The following PRKG1 variants were observed in gnomAD, a reference collection of about 807,000 sequenced individuals.
PRKG1 encodes the protein cGMP-dependent protein kinase 1.
PRKG1 carries 35 observed loss-of-function variants against 88.1 expected under a neutral mutation model. The ratio of observed to expected loss-of-function variants is 0.40; its 90% CI spans 0.30 to 0.53. PRKG1 has a LOEUF of 0.53. Ranked by LOEUF, PRKG1 falls within the 20% of genes least tolerant of loss-of-function variation. The pLI is 0.59. For synonymous variants in PRKG1, 303 were observed against 292.5 expected, an observed-to-expected ratio of 1.04 and a Z score of -0.37; for missense variants, 540 against 839.8, an observed-to-expected ratio of 0.64 and a Z score of 4.41.
Position 51,931,253 on chromosome 10 carries a change from G to A in PRKG1, c.762+23683G>A, listed in dbSNP as rs189407515. 3.5e-3 allele frequency among the ~76,000 whole-genome samples: 538 copies of A among 152,246 alleles called. 3 individuals carry two copies. The highest frequency in any genetic ancestry group is 5.7e-3 in the Non-Finnish European group (390 of 68,020). On this transcript the variant is annotated intron_variant, in intron 5 of 17. Coordinates refer to ENST00000373980, the MANE Select transcript of PRKG1 (RefSeq NM_006258.4). ...TTGTTACTCGAAAATTAATGTACCAGGGGTCAATTCAACATCTCAAAATAC... is the reference window on the plus strand; with the variant it reads ...TTGTTACTCGAAAATTAATGTACCAAGGGTCAATTCAACATCTCAAAATAC...
At chr10:51,697,950 G>C in intron 3 of PRKG1, 1 of 1,598,714 alleles carries the variant, frequency 6.3e-7, no homozygotes. Context: ...CTGACTCCTT[G>C]TATGCCTGCC....
At chr10:50,996,021 G>A (rs1321197149) in intron 1 of PRKG1, among the ~76,000 whole-genome samples, 1 of 152,174 alleles carries the variant, frequency 6.6e-6, no homozygotes, top group African/African-American at 2.4e-5. Flanking sequence ...ATATAAGCAA[G>A]GTCAATGAAG....
chr10:51,064,976 T>G (rs758844771), intron 1 of PRKG1, among the ~76,000 whole-genome samples: 4 of 152,110 alleles, frequency 2.6e-5, no homozygotes, highest in Non-Finnish European at 5.9e-5. Flanking sequence ...TGGAGGTAAA[T>G]TTGCTTCTTG....
At chr10:51,282,144 G>A (rs1192407241) in intron 2 of PRKG1, among the ~76,000 whole-genome samples, 1 of 151,552 alleles carries the variant, frequency 6.6e-6, no homozygotes, top group African/African-American at 2.4e-5. Flanking sequence ...GACGTTGGAG[G>A]ACAAAGAGAG....
At chr10:51,991,272 T>C (rs763535016) in intron 5 of PRKG1, among the ~76,000 whole-genome samples, 8 of 152,170 alleles carry the variant, frequency 5.3e-5, no homozygotes, top group African/African-American at 1.9e-4. Flanking sequence ...GATTGTTCTG[T>C]CTGCAAACTG....
intron 4 of PRKG1, among the ~76,000 whole-genome samples, chr10:51,858,796 A>C (rs2132827781): frequency 6.6e-6 from 1 of 152,100 alleles, no homozygotes; most frequent in South Asian, 2.1e-4. Flanking sequence ...GCACTTTCAA[A>C]CCTGCTCTGG....
chr10:52,017,983 G>A (rs992685637), intron 5 of PRKG1, among the ~76,000 whole-genome samples: 1 of 151,960 alleles, frequency 6.6e-6, no homozygotes, highest in Non-Finnish European at 1.5e-5. Context: ...CTATTTTCTG[G>A]GCTGGAGACA....
At chr10:51,836,714 C>T (rs752910869) in intron 4 of PRKG1, among the ~76,000 whole-genome samples, 3 of 151,966 alleles carry the variant, frequency 2.0e-5, no homozygotes, top group African/African-American at 7.2e-5. Flanking sequence ...AACCAAAAAA[C>T]CCTCAAATAA....
intron 1 of PRKG1, among the ~76,000 whole-genome samples, chr10:51,137,224 A>G (rs1845709313): frequency 6.6e-6 from 1 of 152,052 alleles, no homozygotes; most frequent in Non-Finnish European, 1.5e-5. Context: ...CTTAAAAACT[A>G]TGGCCGTGGG....
At position 51,907,342 on chromosome 10, in the gene PRKG1, T is replaced by C. The variant is rs117010194; in HGVS notation, c.699-165T>C. On this transcript the variant is annotated intron_variant, in intron 4 of 17. Coordinates refer to ENST00000373980, the MANE Select transcript of PRKG1 (RefSeq NM_006258.4). ...GATTGCTTTGATCTTCATCTGCAACTTTGTTCTTTTTTTTCAGGTTGTGTG... is the reference window on the plus strand; with the variant it reads ...GATTGCTTTGATCTTCATCTGCAACCTTGTTCTTTTTTTTCAGGTTGTGTG... Among the ~76,000 whole-genome samples the C allele has an allele frequency of 6.4e-3, 975 of 151,832 alleles. 6 individuals are homozygous for C. The highest frequency in any genetic ancestry group is 0.014 in the South Asian group (67 of 4,772).
intron 2 of PRKG1, among the ~76,000 whole-genome samples, chr10:51,348,185 T>A (rs1842158568): frequency 1.3e-5 from 2 of 152,084 alleles, no homozygotes; most frequent in African/African-American, 4.8e-5. Flanking sequence ...AATAAAATAC[T>A]TACACCAAAG....
intron 2 of PRKG1, among the ~76,000 whole-genome samples, chr10:51,366,200 G>GAAGT (rs1355971469): frequency 6.6e-6 from 1 of 151,826 alleles, no homozygotes; most frequent in Non-Finnish European, 1.5e-5. Flanking sequence ...GCTGCTGAAG[G>GAAGT]AAGTGCAATG....
At chr10:52,206,786 C>T (rs1435345147) in intron 9 of PRKG1, among the ~76,000 whole-genome samples, 3 of 152,172 alleles carry the variant, frequency 2.0e-5, no homozygotes, top group Admixed American at 1.3e-4. Context: ...GAACCTGCTG[C>T]ACTGGAGAGG....
intron 2 of PRKG1, among the ~76,000 whole-genome samples, chr10:51,287,946 T>G (rs1185876611): frequency 1.3e-5 from 2 of 152,190 alleles, no homozygotes; most frequent in African/African-American, 4.8e-5. Flanking sequence ...CAGGCTTTTA[T>G]AAAAGAAATG....
At chr10:51,564,081 A>G (rs1837537359) in intron 3 of PRKG1, among the ~76,000 whole-genome samples, 2 of 152,104 alleles carry the variant, frequency 1.3e-5, no homozygotes, top group African/African-American at 2.4e-5. Context: ...GGAAAAAACT[A>G]TTTTTAATTA....
intron 5 of PRKG1, among the ~76,000 whole-genome samples, chr10:51,927,725 A>G (rs190731706): frequency 6.6e-5 from 10 of 152,262 alleles, no homozygotes; most frequent in East Asian, 1.9e-4. Flanking sequence ...CCCTCCTTCT[A>G]TTACTAGGAC....
intron 3 of PRKG1, among the ~76,000 whole-genome samples, chr10:51,626,475 A>C (rs1839340134): frequency 6.6e-6 from 1 of 152,172 alleles, no homozygotes; most frequent in Non-Finnish European, 1.5e-5. Context: ...ATAATCGTTG[A>C]AAGTTATTTT....
intron 5 of PRKG1, among the ~76,000 whole-genome samples, chr10:51,947,748 A>G (rs1055976487): frequency 1.3e-5 from 2 of 152,304 alleles, no homozygotes; most frequent in Admixed American, 6.5e-5. Context: ...ACCAGCCAGG[A>G]TGTCAGACCA....
At chr10:52,072,434 A>G (rs1846526848) in intron 7 of PRKG1, among the ~76,000 whole-genome samples, 2 of 152,060 alleles carry the variant, frequency 1.3e-5, no homozygotes, top group Non-Finnish European at 1.5e-5. Context: ...AGGAGATTAA[A>G]ATAATTGATG....
Sources: gnomAD v4.1 joint callset for allele counts (sites outside exome capture counted in the v4.1 genomes callset) on GRCh38, gnomAD v4.1.1 for gene constraint, MANE v1.5 for transcripts, NCBI Gene and HGNC (gene_info 2026-07-23, HGNC 2026-07-21) for gene names.